The following ASPSCR1 variants were observed in gnomAD, a reference collection of about 807,000 sequenced individuals.
ASPSCR1 encodes the protein ASPSCR1 tether for SLC2A4, UBX domain containing.
A neutral mutation model predicts 68.9 loss-of-function variants in ASPSCR1; 55 were observed. That is an observed-to-expected ratio of 0.80 (90% confidence interval 0.64 to 1.00). ASPSCR1 has a LOEUF of 1.00. ASPSCR1 is among the 50% of genes least tolerant of loss of function. The pLI is 0.00. For missense variants in ASPSCR1, 765 were observed against 762.2 expected (o/e 1.00, Z -0.04); for synonymous variants, 352 against 332.6 (o/e 1.06, Z -0.63).
chr17:82,011,865 C>A (rs1298477458), intron 11 of ASPSCR1, among the ~76,000 whole-genome samples: 1 of 152,128 alleles, frequency 6.6e-6, no homozygotes, highest in African/African-American at 2.4e-5. Flanking sequence ...CCTGCTGCAC[C>A]CCAGCCTGGT....
intron 5 of ASPSCR1, chr17:81,995,590 C>T (rs1017629008): frequency 5.2e-6 from 2 of 387,950 alleles, no homozygotes; most frequent in Non-Finnish European, 4.8e-6. Flanking sequence ...AGGCCCGATC[C>T]CTGCCCACCC....
At position 82,016,984 on chromosome 17, in the gene ASPSCR1, CCT is replaced by C. The variant is rs1430044861; in HGVS notation, c.1520_1521del (p.Pro507ArgfsTer5). The C allele has an allele frequency of 1.2e-6, 2 of 1,612,466 alleles. No homozygotes were observed. The highest frequency in any genetic ancestry group is 1.3e-5 in the African/African-American group (1 of 74,930). On this transcript the variant is annotated frameshift_variant, in exon 15 of 16. Transcript: ENST00000306739. LOFTEE classifies it high-confidence loss of function. Reference protein sequence around the residue: ...AAGSPSPLPAPDPAPKSEPAA... With the variant: ...AAGSPSPLPAXDPAPKSEPAA... ...CGGGTCCCCTTCCCCATTGCCAGCC[CCT>C]GACCCTGCACCTAAGTCTGAGCCAG... is the stretch of plus-strand genomic sequence containing the variant.
intron 4 of ASPSCR1, 53 bp downstream of exon 4, chr17:81,985,660 G>T: frequency 3.2e-6 from 5 of 1,559,552 alleles, no homozygotes; most frequent in Non-Finnish European, 4.4e-6. Context: ...TGGGGAAGCT[G>T]CTGTGGTTAC....
At chr17:81,995,732 C>T (rs2042313834) in intron 5 of ASPSCR1, among the ~76,000 whole-genome samples, 1 of 152,250 alleles carries the variant, frequency 6.6e-6, no homozygotes, top group Admixed American at 6.5e-5. Context: ...CCTCAGTGAG[C>T]TTGGGTCCCA....
chr17:81,996,356 C>T (rs1231197740), intron 6 of ASPSCR1, 64 bp from the exon 7 acceptor site: 18 of 1,523,906 alleles, frequency 1.2e-5, no homozygotes, highest in African/African-American at 7.0e-5. Flanking sequence ...GAGCCTGGGC[C>T]GGGAGAGGGT....
intron 4 of ASPSCR1, among the ~76,000 whole-genome samples, chr17:81,989,781 G>A (rs921570351): frequency 6.6e-6 from 1 of 152,142 alleles, no homozygotes; most frequent in African/African-American, 2.4e-5. Context: ...GGATACCAGC[G>A]AGCCACACGT....
At position 81,987,095 on chromosome 17, in the gene ASPSCR1, A is replaced by T. The variant is rs2042018340; in HGVS notation, c.374+1488A>T. Among the ~76,000 whole-genome samples the T allele has an allele frequency of 6.7e-6, 1 of 149,764 alleles. No homozygotes were observed. Reference sequence around the variant, plus strand: ...GATGACGGAGCCTAAGAGCAAAGCGAAGCCACGGGCAGGGGTGAGCGGGAC... The same window carrying T: ...GATGACGGAGCCTAAGAGCAAAGCGTAGCCACGGGCAGGGGTGAGCGGGAC... On this transcript the variant is annotated intron_variant, in intron 4 of 15. Coordinates refer to ENST00000306739, the MANE Select transcript of ASPSCR1 (RefSeq NM_024083.4). This position sits in a 1 kb window ranked among gnomAD's most constrained non-coding sequence, Gnocchi z 5.6.
intron 12 of ASPSCR1, among the ~76,000 whole-genome samples, chr17:82,012,611 G>T (rs972116366): frequency 6.6e-6 from 1 of 152,130 alleles, no homozygotes; most frequent in African/African-American, 2.4e-5. Context: ...CAGGGGTCTG[G>T]GTGAGGAAGG....
rs746206862 is a variant in ASPSCR1, at chr17:82,012,280, T to G, written c.1350T>G (p.Phe450Leu). ...TGGACGACCACACGCAGACCCTCTTTCAGGTACCTGAGGGCCTCCCTGGGG... is the reference window on the plus strand; with the variant it reads ...TGGACGACCACACGCAGACCCTCTTGCAGGTACCTGAGGGCCTCCCTGGGG... ...TVLDDHTQTLFQANLFPAALV... is the reference protein window; with the variant it reads ...TVLDDHTQTLLQANLFPAALV... The change falls in exon 12 of 16, where the codon TTT becomes TTG. Residue 450 changes from phenylalanine to leucine, a missense_variant. Coordinates refer to ENST00000306739, the MANE Select transcript of ASPSCR1 (RefSeq NM_024083.4). 2 of 1,613,162 alleles carry G rather than the reference T, an allele frequency of 1.2e-6. No individual in the cohort carries two copies. The highest frequency in any genetic ancestry group is 2.7e-5 in the African/African-American group (2 of 74,890).
chr17:82,001,947 G>A (rs78770808), intron 7 of ASPSCR1, among the ~76,000 whole-genome samples: 3,163 of 151,868 alleles, frequency 0.021, 103 homozygotes, highest in African/African-American at 0.071. Context: ...GTCAGCCCAG[G>A]CTGCAGCAGT....
At chr17:81,985,687 C>CT in intron 4 of ASPSCR1, 80 bp downstream of exon 4, 2 of 1,410,618 alleles carry the variant, frequency 1.4e-6, no homozygotes, top group Non-Finnish European at 2.0e-6. Context: ...TGGTTCAGAG[C>CT]TGGACACCCA....
At chr17:82,015,309 G>C in intron 12 of ASPSCR1, 1 of 1,598,140 alleles carries the variant, frequency 6.3e-7, no homozygotes. Context: ...GAGCAGTGGC[G>C]ATCCCTCCCG....
chr17:81,995,255 T>G, intron 5 of ASPSCR1: 1 of 393,800 alleles, frequency 2.5e-6, no homozygotes, highest in Non-Finnish European at 4.5e-6. Flanking sequence ...GGCCTTTTGT[T>G]TCCACGCTGG....
At chr17:81,978,832 G>A (rs373865623) in intron 1 of ASPSCR1, 6 of 350,314 alleles carry the variant, frequency 1.7e-5, no homozygotes, top group East Asian at 1.4e-4. Context: ...AGAGCCAGGG[G>A]GTAGCTTGTG....
intron 4 of ASPSCR1, among the ~76,000 whole-genome samples, chr17:81,988,106 C>G (rs2042052951): frequency 7.0e-6 from 1 of 142,710 alleles, no homozygotes; most frequent in Admixed American, 7.1e-5. Context: ...TGCAGTGAGC[C>G]AAGATTGCAC....
At chr17:82,011,791 C>CGAGCCAGGCGGTGG (rs1567992752) in intron 11 of ASPSCR1, among the ~76,000 whole-genome samples, 186 bp downstream of exon 11, 4 of 152,088 alleles carry the variant, frequency 2.6e-5, no homozygotes, top group East Asian at 1.9e-4. Context: ...CCCTTCTCCC[C>CGAGCCAGGCGGTGG]GAGCCAGGCG....
chr17:81,984,648 C>T (rs1598388394), intron 3 of ASPSCR1, among the ~76,000 whole-genome samples: 2 of 152,028 alleles, frequency 1.3e-5, no homozygotes, highest in South Asian at 4.2e-4. Context: ...AATCTGGGAG[C>T]AGCTTAGCTC....
rs145777966 is a variant in ASPSCR1 at position 81,982,298 on chromosome 17, G to A, written c.159-1256G>A. Reference sequence around the variant, plus strand: ...GTTACTTCTCAGTGTTCACCTGCCCGTGGTCTGTGTGGTGGTGTCTGGTGG... The same window carrying A: ...GTTACTTCTCAGTGTTCACCTGCCCATGGTCTGTGTGGTGGTGTCTGGTGG... On this transcript the variant is annotated intron_variant, in intron 2 of 15. Coordinates refer to ENST00000306739, the MANE Select transcript of ASPSCR1 (RefSeq NM_024083.4). Among the ~76,000 whole-genome samples, 953 of 152,374 alleles carry A rather than the reference G, an allele frequency of 6.3e-3. 7 individuals carry two copies. Among genetic ancestry groups the A allele is most frequent in the Admixed American group, 0.013 (203 of 15,310 alleles).
rs763422905 is a variant in ASPSCR1, at chr17:82,009,218, C to T, written c.1088+27C>T. On this transcript the variant is annotated intron_variant, in intron 8 of 15. Coordinates refer to ENST00000306739, the MANE Select transcript of ASPSCR1 (RefSeq NM_024083.4). ...TGGGTGCCCCCTCAGTGCCTCCCGG[C>T]ATCTTCGCGCCAGGGTTTGCCCCAT... The T allele has an allele frequency of 2.5e-5, 40 of 1,574,644 alleles. 1 individual carries two copies. Among genetic ancestry groups the T allele is most frequent in the Non-Finnish European group, 8.6e-7 (1 of 1,157,102 alleles).
Sources: gnomAD v4.1 joint callset for allele counts (sites outside exome capture counted in the v4.1 genomes callset) on GRCh38, gnomAD v4.1.1 for gene constraint, Gnocchi (gnomAD v3.1) non-coding constraint, MANE v1.5 for transcripts, NCBI Gene and HGNC (gene_info 2026-07-23, HGNC 2026-07-21) for gene names.